The following LHX8 variants were observed in gnomAD, a reference collection of about 807,000 sequenced individuals.
LHX8 encodes the protein LIM homeobox 8.
A neutral mutation model predicts 40.3 loss-of-function variants in LHX8; 12 were observed. The ratio of observed to expected loss-of-function variants is 0.30; its 90% CI spans 0.19 to 0.48. The LOEUF is 0.48. Among genes scored for constraint, LHX8 ranks in the 20% least tolerant of loss-of-function variants. The probability of loss-of-function intolerance (pLI) is 0.99; values close to 1 mark genes in which losing one functional copy is unlikely to be tolerated. For synonymous variants in LHX8, 179 were observed against 162.0 expected (o/e 1.10, Z -0.80); for missense variants, 344 against 433.7 (o/e 0.79, Z 1.84).
chr1:75,193,538 G>A, the LHX8 span, among the ~76,000 whole-genome samples: 6 of 152,164 alleles, frequency 3.9e-5, no homozygotes, highest in Non-Finnish European at 5.9e-5. Flanking sequence ...TCTAATGAGA[G>A]CCCCAGAATC....
At chr1:75,134,117 A>T (rs771088728), upstream of LHX8, among the ~76,000 whole-genome samples, 4 of 152,146 alleles carry the variant, frequency 2.6e-5, no homozygotes, top group Middle Eastern at 3.2e-3. Context: ...AGAATTTAAA[A>T]GTTATGGCAA....
upstream of LHX8, chr1:75,130,984 C>G: frequency 1.7e-6 from 1 of 583,790 alleles, no homozygotes; most frequent in Non-Finnish European, 3.1e-6. Flanking sequence ...TCCTCCACCG[C>G]CTCCTACAGT....
the LHX8 span, among the ~76,000 whole-genome samples, chr1:75,169,498 G>A: frequency 0.017 from 2,595 of 152,240 alleles, 28 homozygotes; most frequent in Non-Finnish European, 0.028. Context: ...GAGAGTGGGC[G>A]GTGGAGGTGG....
At chr1:75,181,713 C>T in the LHX8 span, among the ~76,000 whole-genome samples, 19 of 152,314 alleles carry the variant, frequency 1.2e-4, no homozygotes, top group Non-Finnish European at 1.9e-4. Flanking sequence ...ACCCACTTTC[C>T]GAGCAGTCCC....
At chr1:75,197,649 C>T in the LHX8 span, among the ~76,000 whole-genome samples, 2 of 152,014 alleles carry the variant, frequency 1.3e-5, no homozygotes, top group Non-Finnish European at 2.9e-5. Flanking sequence ...ATGGTTTTTT[C>T]TTTGCCGATT....
chr1:75,155,190 G>A (rs999701774), intron 7 of LHX8, among the ~76,000 whole-genome samples: 8 of 148,802 alleles, frequency 5.4e-5, no homozygotes, highest in Non-Finnish European at 8.9e-5. Flanking sequence ...TTGGAGTGAT[G>A]GAAAAAAAGT....
upstream of LHX8, among the ~76,000 whole-genome samples, chr1:75,129,766 G>C (rs576276067): frequency 6.6e-5 from 10 of 152,300 alleles, no homozygotes; most frequent in African/African-American, 2.4e-4. Flanking sequence ...GGAAAACGGG[G>C]ATGTGGAAGG....
chr1:75,146,024 C>T (rs1280489839), intron 6 of LHX8, among the ~76,000 whole-genome samples: 1 of 152,048 alleles, frequency 6.6e-6, no homozygotes, highest in Non-Finnish European at 1.5e-5. Flanking sequence ...AAATGAGATA[C>T]AATCTTTGTC....
At chr1:75,143,564 T>C (rs917969266) in intron 5 of LHX8, among the ~76,000 whole-genome samples, 2 of 152,178 alleles carry the variant, frequency 1.3e-5, no homozygotes, top group African/African-American at 2.4e-5. Flanking sequence ...AGCTTTGAGT[T>C]AGGGTTTTGC....
At chr1:75,129,855 T>C (rs1373621311), upstream of LHX8, 1 of 152,144 alleles carries the variant, frequency 6.6e-6, no homozygotes, top group African/African-American at 2.4e-5. Context: ...CCGGTTTGCC[T>C]AGGACTTGTA....
At chr1:75,194,451 A>G in the LHX8 span, among the ~76,000 whole-genome samples, 10,037 of 152,250 alleles carry the variant, frequency 0.066, 999 homozygotes, top group African/African-American at 0.21. Flanking sequence ...ATGGCTCTGG[A>G]GATAACACAC....
upstream of LHX8, among the ~76,000 whole-genome samples, chr1:75,133,395 C>G (rs1648025462): frequency 6.6e-6 from 1 of 152,104 alleles, no homozygotes. Context: ...CGCTCTTTTT[C>G]TTCTATACAA....
chr1:75,133,518 T>C (rs1341911376), upstream of LHX8, among the ~76,000 whole-genome samples: 1 of 152,222 alleles, frequency 6.6e-6, no homozygotes, highest in African/African-American at 2.4e-5. Context: ...AGAAATAGAC[T>C]CCTAGATCTT....
intron 1 of LHX8, among the ~76,000 whole-genome samples, 188 bp from the exon 2 acceptor site, chr1:75,136,415 G>C (rs946889811): frequency 1.3e-5 from 2 of 151,634 alleles, no homozygotes; most frequent in Non-Finnish European, 2.9e-5. Flanking sequence ...GGCCGCCAGC[G>C]GCCAGCGAAG....
intron 8 of LHX8, 98 bp from the exon 9 acceptor site, chr1:75,160,721 G>A: frequency 1.2e-6 from 1 of 822,670 alleles, no homozygotes; most frequent in Non-Finnish European, 2.2e-6. Context: ...CAGCTATAAT[G>A]AGTGATGAAA....
chr1:75,169,036 C>T, the LHX8 span, among the ~76,000 whole-genome samples: 213 of 152,244 alleles, frequency 1.4e-3, no homozygotes, highest in Middle Eastern at 3.4e-3. Flanking sequence ...TGAAACCCCC[C>T]CTGTGGCTTT....
intron 3 of LHX8, among the ~76,000 whole-genome samples, chr1:75,137,893 T>C (rs575717011): frequency 6.6e-6 from 1 of 152,350 alleles, no homozygotes; most frequent in African/African-American, 2.4e-5. Flanking sequence ...AAAAACCATT[T>C]CAATATATTC....
intron 1 of LHX8, among the ~76,000 whole-genome samples, chr1:75,129,160 A>G (rs1647898617): frequency 6.6e-6 from 1 of 152,338 alleles, no homozygotes; most frequent in Admixed American, 6.5e-5. Context: ...CAAATGAGAA[A>G]GCTCAAGTGT....
the LHX8 span, among the ~76,000 whole-genome samples, chr1:75,181,028 A>AAACAGCAAATATTGCAG: frequency 1.6e-5 from 2 of 126,718 alleles, 1 homozygote; most frequent in Non-Finnish European, 3.6e-5. Flanking sequence ...CGTAGGTGCA[A>AAACAGCAAATATTGCAG]AACAGCAAAT....
Sources: allele counts gnomAD v4.1 joint callset (sites outside exome capture counted in the v4.1 genomes callset), GRCh38; gene constraint gnomAD v4.1.1; transcripts MANE v1.5; gene names NCBI Gene and HGNC (gene_info 2026-07-23, HGNC 2026-07-21).